Variants in NTM observed in about 807,000 individuals in gnomAD.
NTM encodes IgLON family member 2.
Under a neutral mutation model 42.1 loss-of-function variants are expected in NTM, and 13 were observed. The ratio of observed to expected loss-of-function variants is 0.31; its 90% confidence interval spans 0.20 to 0.49. The LOEUF is 0.49. Ranked by LOEUF, NTM falls within the 20% of genes least tolerant of loss-of-function variation. The pLI, the probability that NTM is intolerant of heterozygous loss-of-function variation, is 0.99. For missense variants in NTM, 373 were observed against 452.8 expected, an observed-to-expected ratio of 0.82 and a Z score of 1.60; for synonymous variants, 187 against 179.2, an observed-to-expected ratio of 1.04 and a Z score of -0.35.
intron 1 of NTM, among the ~76,000 whole-genome samples, chr11:131,860,084 C>A (rs748274999): frequency 9.9e-5 from 15 of 152,268 alleles, no homozygotes; most frequent in Middle Eastern, 3.4e-3. Context: ...CTATATCGGG[C>A]CTCAGCTCCT....
intron 1 of NTM, among the ~76,000 whole-genome samples, chr11:131,834,625 C>CATATATATATATATATATATATAT (rs10604283): frequency 0.017 from 2,220 of 133,384 alleles, 56 homozygotes; most frequent in Middle Eastern, 0.029. Flanking sequence ...TATACATATA[C>CATATATATATATATATATATATAT]ATATATATAT....
At chr11:131,850,040 A>T (rs1023870500) in intron 1 of NTM, among the ~76,000 whole-genome samples, 1 of 152,074 alleles carries the variant, frequency 6.6e-6, no homozygotes, top group Non-Finnish European at 1.5e-5. Context: ...CAGGTTGCTA[A>T]GTGTAGGTTG....
chr11:132,250,805 G>C, intron 4 of NTM, among the ~76,000 whole-genome samples: 1 of 151,958 alleles, frequency 6.6e-6, no homozygotes, highest in South Asian at 2.1e-4. Flanking sequence ...TTTATATAAA[G>C]ATATTTGTTT....
chr11:131,574,732 C>A (rs2057770504), intron 1 of NTM, among the ~76,000 whole-genome samples: 1 of 152,124 alleles, frequency 6.6e-6, no homozygotes, highest in Admixed American at 6.5e-5. Flanking sequence ...GTGGCCTACA[C>A]CTTGTAAAGG....
intron 2 of NTM, among the ~76,000 whole-genome samples, chr11:132,114,260 G>A (rs1266750350): frequency 6.6e-6 from 1 of 152,178 alleles, no homozygotes; most frequent in Non-Finnish European, 1.5e-5. Context: ...CAAGGCAGTT[G>A]GCTTCCTGCA....
chr11:131,475,789 G>T (rs1952870643), intron 1 of NTM, among the ~76,000 whole-genome samples: 1 of 151,996 alleles, frequency 6.6e-6, no homozygotes, highest in Non-Finnish European at 1.5e-5. Flanking sequence ...AGAAATGAAA[G>T]ACAAAGATAA....
At chr11:131,927,897 A>T (rs2058136269) in intron 2 of NTM, among the ~76,000 whole-genome samples, 1 of 152,116 alleles carries the variant, frequency 6.6e-6, no homozygotes, top group African/African-American at 2.4e-5. Context: ...AAACATATAT[A>T]CTCAACTTAT....
At chr11:132,310,082 G>T in intron 5 of NTM, 30 bp from the exon 6 acceptor site, 1 of 1,552,038 alleles carries the variant, frequency 6.4e-7, no homozygotes, top group Non-Finnish European at 8.6e-7. Context: ...AAAGGTGGGG[G>T]GGCGGCTATG....
At chr11:131,618,930 G>A (rs2062231906) in intron 1 of NTM, among the ~76,000 whole-genome samples, 1 of 152,176 alleles carries the variant, frequency 6.6e-6, no homozygotes, top group African/African-American at 2.4e-5. Flanking sequence ...AATCATAATT[G>A]TCTGGCATGT....
At chr11:131,857,326 T>C (rs913593681) in intron 1 of NTM, among the ~76,000 whole-genome samples, 1 of 152,214 alleles carries the variant, frequency 6.6e-6, no homozygotes, top group South Asian at 2.1e-4. Flanking sequence ...CGAATATGCC[T>C]TGCCTTCCAT....
chr11:131,952,620 C>T (rs952647620), intron 2 of NTM, among the ~76,000 whole-genome samples: 1 of 152,110 alleles, frequency 6.6e-6, no homozygotes, highest in South Asian at 2.1e-4. Context: ...ATACGCATAA[C>T]CTGATTGTTA....
chr11:131,710,579 C>T (rs993059145), intron 1 of NTM, among the ~76,000 whole-genome samples: 12 of 152,112 alleles, frequency 7.9e-5, no homozygotes, highest in Admixed American at 3.9e-4. Flanking sequence ...CAGTCCCTTG[C>T]CTTTAATTCA....
intron 1 of NTM, among the ~76,000 whole-genome samples, chr11:131,397,102 G>A (rs1185495634): frequency 1.3e-5 from 2 of 152,146 alleles, no homozygotes; most frequent in Admixed American, 6.5e-5. Context: ...GTCTTGTCAA[G>A]TGACATGCCC....
chr11:131,767,779 C>T (rs1264020348), intron 1 of NTM, among the ~76,000 whole-genome samples: 1 of 152,142 alleles, frequency 6.6e-6, no homozygotes, highest in Admixed American at 6.5e-5. Flanking sequence ...CCCATTTGCC[C>T]GACACATGGC....
intron 2 of NTM, among the ~76,000 whole-genome samples, chr11:131,974,299 A>G (rs968346623): frequency 3.9e-5 from 6 of 152,212 alleles, no homozygotes; most frequent in Admixed American, 2.0e-4. Context: ...GAATGAATGA[A>G]TGAATGAATT....
chr11:131,499,706 A>G (rs896427133), intron 1 of NTM, among the ~76,000 whole-genome samples: 2 of 151,970 alleles, frequency 1.3e-5, no homozygotes, highest in South Asian at 4.2e-4. Context: ...TCTCCACCAC[A>G]CAGACCTTCT....
chr11:131,896,698 T>G (rs1405287808), intron 1 of NTM, among the ~76,000 whole-genome samples: 2 of 146,338 alleles, frequency 1.4e-5, no homozygotes, highest in African/African-American at 5.1e-5. Context: ...TTTTTTTTTT[T>G]TTTTCTCTGA....
chr11:132,126,345 C>T (rs1007543775), intron 2 of NTM, among the ~76,000 whole-genome samples: 2 of 152,096 alleles, frequency 1.3e-5, no homozygotes, highest in African/African-American at 4.8e-5. Flanking sequence ...GATGCCTGTG[C>T]CAGTTATTTA....
At chr11:131,427,920 C>T (rs1419657181) in intron 1 of NTM, among the ~76,000 whole-genome samples, 5 of 152,172 alleles carry the variant, frequency 3.3e-5, no homozygotes, top group African/African-American at 9.7e-5. Context: ...GAGCTAATAT[C>T]GATATCTGTT....
Sources: gnomAD v4.1 joint callset for allele counts (sites outside exome capture counted in the v4.1 genomes callset) on GRCh38, gnomAD v4.1.1 for gene constraint, MANE v1.5 for transcripts, NCBI Gene and HGNC (gene_info 2026-07-23, HGNC 2026-07-21) for gene names.